The following SH3TC2 variants were observed in gnomAD, a reference collection of about 807,000 sequenced individuals.
SH3TC2 encodes the protein SH3 domain and tetratricopeptide repeat-containing protein 2.
In SH3TC2, 87 loss-of-function variants were observed where a neutral mutation model predicts 124.5. The observed-to-expected ratio is 0.70, with a 90% confidence interval of 0.59 to 0.84. The LOEUF (loss-of-function observed/expected upper bound fraction) is 0.84. SH3TC2 is among the 40% of genes least tolerant of loss of function. The pLI, the probability that SH3TC2 is intolerant of heterozygous loss-of-function variation, is 0.00. For missense variants in SH3TC2, 1,536 were observed against 1,566.4 expected, an observed-to-expected ratio of 0.98 and a Z score of 0.33; for synonymous variants, 634 against 628.5, an observed-to-expected ratio of 1.01 and a Z score of -0.13.
chr5:149,034,719 GA>G (rs1295001462), intron 8 of SH3TC2, among the ~76,000 whole-genome samples: 10 of 151,838 alleles, frequency 6.6e-5, no homozygotes, highest in African/African-American at 2.4e-4. Flanking sequence ...AAAGAAAGTA[GA>G]CAAAAATAAT....
rs1753587467 is a variant in SH3TC2, at chr5:149,000,944, T to C, written c.*3767A>G. ...ACTGCTGAAAAACCCAGAGGTGAGG[T>C]TCTTTTATCAGAGGACAAATATCTG... On this transcript the variant is annotated 3_prime_UTR_variant, in exon 17 of 17. Coordinates refer to ENST00000515425, the MANE Select transcript of SH3TC2 (RefSeq NM_024577.4). Among the ~76,000 whole-genome samples the C allele has an allele frequency of 6.6e-6, 1 of 152,196 alleles. No homozygotes were observed. Among genetic ancestry groups the C allele is most frequent in the African/African-American group, 2.4e-5 (1 of 41,454 alleles).
At position 149,028,031 on chromosome 5, in the gene SH3TC2, C is replaced by A; in HGVS notation, c.1701G>T (p.Leu567Phe). 1.2e-6 allele frequency: 2 copies of A among 1,614,150 alleles called. No homozygotes were observed. Among genetic ancestry groups the A allele is most frequent in the Non-Finnish European group, 1.7e-6 (2 of 1,180,042 alleles). Residue 567 changes from leucine to phenylalanine, a missense_variant, in exon 11 of 17, where the codon TTG (leucine) becomes TTT (phenylalanine). By Grantham distance (22) the Leu-to-Phe change is conservative (BLOSUM62 0). Around this residue, in one of 3 missense-constraint regions of SH3TC2, gnomAD observed 1,102 missense variants for 1,098.6 expected, o/e 1.00. Transcript: ENST00000515425. The stretch of plus-strand genomic sequence containing the variant: ...CCAAATTGATGTACAGAGTGGCCAC[C>A]AAGGATAGGTCCTCAAATGCTCCAT... ...ILNGAFEDLS[L>F]VATLYINLAA...
chr5:149,061,161 A>G (rs976697242), intron 1 of SH3TC2, among the ~76,000 whole-genome samples: 22 of 152,236 alleles, frequency 1.4e-4, no homozygotes, highest in African/African-American at 5.1e-4. Flanking sequence ...AATCAATGGC[A>G]AAAAGAAGGT....
At position 149,049,694 on chromosome 5, in the gene SH3TC2, G is replaced by T. The variant is rs1014810748; in HGVS notation, c.152-1705C>A. ...AGTTACTCAGAGGCTGAGATAGGAGGATGGCTTGAGCACAGGAGGCTGAGG... is the reference window on the plus strand; with the variant it reads ...AGTTACTCAGAGGCTGAGATAGGAGTATGGCTTGAGCACAGGAGGCTGAGG... On this transcript the variant is annotated intron_variant, in intron 2 of 16. Coordinates refer to ENST00000515425, the MANE Select transcript of SH3TC2 (RefSeq NM_024577.4). Among the ~76,000 whole-genome samples the T allele has an allele frequency of 5.9e-5, 9 of 151,944 alleles. 1 individual carries two copies. Among genetic ancestry groups the T allele is most frequent in the Non-Finnish European group, 1.3e-4 (9 of 67,990 alleles).
At chr5:149,034,244 C>CA (rs58765539) in intron 8 of SH3TC2, 35,379 of 154,180 alleles carry the variant, frequency 0.23, 4,477 homozygotes, top group African/African-American at 0.32. Flanking sequence ...GGTTAAACAG[C>CA]AAGTTTAGTC....
chr5:149,037,808 G>A (rs1281771396), intron 8 of SH3TC2, among the ~76,000 whole-genome samples: 1 of 152,164 alleles, frequency 6.6e-6, no homozygotes, highest in Non-Finnish European at 1.5e-5. Flanking sequence ...GCAGAAAAGA[G>A]TAAGAGAAAC....
intron 8 of SH3TC2, among the ~76,000 whole-genome samples, chr5:149,032,704 A>AGAG (rs1224426045): frequency 6.6e-6 from 1 of 152,236 alleles, no homozygotes; most frequent in African/African-American, 2.4e-5. Context: ...AGGGAGTGGT[A>AGAG]GAGCAGGACA....
In SH3TC2 at chr5:149,028,608, G is replaced by C. The variant is rs150851184; in HGVS notation, c.1178-54C>G. On this transcript the variant is annotated intron_variant, in intron 10 of 16. Transcript: ENST00000515425. The stretch of plus-strand genomic sequence containing the variant: ...TTGGGCACCTGCACCTAAGGTGGCC[G>C]CTCTTGGCAAGAGGACAGAAGTGCT... 1.1e-4 allele frequency: 172 copies of C among 1,614,138 alleles called. No homozygotes were observed. In the African/African-American group the frequency reaches 2.0e-3, roughly 19 times the overall value.
At position 149,026,501 on chromosome 5, in the gene SH3TC2, T is replaced by C. The variant is rs940497259; in HGVS notation, c.3053+71A>G. On this transcript the variant is annotated intron_variant, in intron 12 of 16. Transcript: ENST00000515425. Reference sequence around the variant, plus strand: ...ACCATGTACATTTGGACTTGCTTCCTGTGGGAAAGAACACTGTTTCTCCTT... The same window carrying C: ...ACCATGTACATTTGGACTTGCTTCCCGTGGGAAAGAACACTGTTTCTCCTT... 10 of 1,590,646 alleles carry C rather than the reference T, an allele frequency of 6.3e-6. No individual in the cohort carries two copies. The African/African-American group carries it at 1.2e-4, about 19-fold the overall frequency.
At position 149,004,479 on chromosome 5, in the gene SH3TC2, C is replaced by T. The variant is rs1042533497; in HGVS notation, c.*232G>A. 52 of 556,896 alleles carry T rather than the reference C, an allele frequency of 9.3e-5. No individual in the cohort carries two copies. Among genetic ancestry groups the T allele is most frequent in the South Asian group, 3.9e-4 (16 of 41,138 alleles). The allele number at this position is 556,896 out of a possible 1,614,324, so 34.5% of individuals were successfully genotyped here. ...GTTTGTGTGGAAGGCAACAGTCAAC[C>T]GGTAAAGGCTCCAGATGCAAAGCCT... is the stretch of plus-strand genomic sequence containing the variant. On this transcript the variant is annotated 3_prime_UTR_variant, in exon 17 of 17. Transcript: ENST00000515425.
intron 10 of SH3TC2, 45 bp downstream of exon 10, chr5:149,028,632 C>T: frequency 6.2e-7 from 1 of 1,614,188 alleles, no homozygotes; most frequent in South Asian, 1.1e-5. Flanking sequence ...GACAGAAGTG[C>T]TGTCCTCAAG....
rs556005971 is a variant in SH3TC2 at position 149,012,747 on chromosome 5, A to G, written c.3054-13T>C. The G allele has an allele frequency of 9.3e-6, 15 of 1,614,070 alleles. No individual in the cohort carries two copies. In the East Asian group the frequency reaches 2.9e-4, roughly 31 times the overall value. On this transcript the variant is annotated splice_polypyrimidine_tract_variant and intron_variant, in intron 12 of 16. Coordinates refer to ENST00000515425, the MANE Select transcript of SH3TC2 (RefSeq NM_024577.4). Reference sequence around the variant, plus strand: ...CCTCCTGAGGGACCTGGGGACAGACATGAACTTGTGAGGTGTGAAGGCTCA... The same window carrying G: ...CCTCCTGAGGGACCTGGGGACAGACGTGAACTTGTGAGGTGTGAAGGCTCA...
intron 7 of SH3TC2, among the ~76,000 whole-genome samples, chr5:149,039,202 T>C (rs964186098): frequency 6.6e-6 from 1 of 152,222 alleles, no homozygotes; most frequent in African/African-American, 2.4e-5. Flanking sequence ...CAATGACCTT[T>C]TGATGAATGT....
At position 149,033,177 on chromosome 5, in the gene SH3TC2, C is replaced by T. The variant is rs190114649; in HGVS notation, c.1002-1490G>A. On this transcript the variant is annotated intron_variant, in intron 8 of 16. Transcript: ENST00000515425. ...TGAAACTAAAACTGAGGTCTTCTAC[C>T]TCTGCGTGCATTGCCTCACAACATC... 1.6e-4 allele frequency among the ~76,000 whole-genome samples: 25 copies of T among 152,240 alleles called. No homozygotes were observed. In the East Asian group the frequency reaches 4.8e-3, roughly 29 times the overall value.
intron 12 of SH3TC2, among the ~76,000 whole-genome samples, chr5:149,023,315 G>T (rs951066885): frequency 5.3e-5 from 8 of 152,080 alleles, no homozygotes; most frequent in Non-Finnish European, 1.0e-4. Flanking sequence ...ATTTTTAAAC[G>T]AGAAAAGCAA....
intron 1 of SH3TC2, among the ~76,000 whole-genome samples, chr5:149,054,207 A>AT (rs796997322): frequency 1.2e-3 from 187 of 152,274 alleles, no homozygotes; most frequent in African/African-American, 4.2e-3. Context: ...TAATAAAGGA[A>AT]TAAAAAGAAA....
Position 148,995,124 on chromosome 5 carries a change from C to T in SH3TC2, c.*9587G>A, listed in dbSNP as rs1449869558. ...CTGCTCCCTAGATTTTCTATCATCC[C>T]TCCTCCTTAAGACAAAGGGAAACAT... is the stretch of plus-strand genomic sequence containing the variant. On this transcript the variant is annotated 3_prime_UTR_variant, in exon 17 of 17. Transcript: ENST00000515425. Among the ~76,000 whole-genome samples the T allele has an allele frequency of 6.6e-6, 1 of 152,136 alleles. No homozygotes were observed. The highest frequency in any genetic ancestry group is 1.5e-5 in the Non-Finnish European group (1 of 68,014).
chr5:149,056,958 T>C (rs1754659058), intron 1 of SH3TC2, among the ~76,000 whole-genome samples: 1 of 152,224 alleles, frequency 6.6e-6, no homozygotes, highest in East Asian at 1.9e-4. Flanking sequence ...AAAAGGTCTA[T>C]GGTAGTTATT....
intron 8 of SH3TC2, among the ~76,000 whole-genome samples, chr5:149,037,195 C>T (rs1754296783): frequency 6.6e-6 from 1 of 152,184 alleles, no homozygotes; most frequent in South Asian, 2.1e-4. Flanking sequence ...GACTCACTTT[C>T]CTACCTATGA....
Sources: gnomAD v4.1 joint callset for allele counts (sites outside exome capture counted in the v4.1 genomes callset) on GRCh38, gnomAD v4.1.1 for gene constraint, gnomAD v4.1.1 regional missense constraint, MANE v1.5 for transcripts, NCBI Gene and HGNC (gene_info 2026-07-23, HGNC 2026-07-21) for gene names.